Variants in TSHZ2 observed in about 807,000 individuals in gnomAD.
TSHZ2 encodes the protein teashirt zinc finger homeobox 2.
TSHZ2 carries 21 observed loss-of-function variants against 74.4 expected under a neutral mutation model. The ratio of observed to expected loss-of-function variants is 0.28; its 90% CI spans 0.20 to 0.41. The LOEUF (loss-of-function observed/expected upper bound fraction) is 0.41. Ranked by LOEUF, TSHZ2 falls within the 10% of genes least tolerant of loss-of-function variation. TSHZ2 has a pLI of 1.00. For missense variants in TSHZ2, 1,244 were observed against 1,293.5 expected, an observed-to-expected ratio of 0.96 and a Z score of 0.59; for synonymous variants, 540 against 515.3, an observed-to-expected ratio of 1.05 and a Z score of -0.65.
intron 2 of TSHZ2, among the ~76,000 whole-genome samples, chr20:53,261,895 T>C (rs1450738039): frequency 1.3e-5 from 2 of 152,230 alleles, no homozygotes; most frequent in Non-Finnish European, 2.9e-5. Context: ...TAAAAACGTC[T>C]TTGCGAAAGT....
chr20:53,090,262 G>A (rs1323523786), intron 1 of TSHZ2, among the ~76,000 whole-genome samples: 1 of 152,110 alleles, frequency 6.6e-6, no homozygotes, highest in Non-Finnish European at 1.5e-5. Context: ...GACTGAGGGT[G>A]GGTCTGCCTC....
intron 2 of TSHZ2, among the ~76,000 whole-genome samples, chr20:53,310,616 A>C (rs1278640963): frequency 6.6e-6 from 1 of 151,978 alleles, no homozygotes; most frequent in Non-Finnish European, 1.5e-5. Flanking sequence ...TCGATGGTAA[A>C]ATTCATTTCC....
At chr20:53,277,559 T>G (rs1990972647) in intron 2 of TSHZ2, among the ~76,000 whole-genome samples, 1 of 152,222 alleles carries the variant, frequency 6.6e-6, no homozygotes, top group Admixed American at 6.5e-5. Flanking sequence ...ATCAAAACTT[T>G]GTTTTTCTCC....
At chr20:53,220,107 T>C (rs899374494) in intron 1 of TSHZ2, among the ~76,000 whole-genome samples, 4 of 152,210 alleles carry the variant, frequency 2.6e-5, no homozygotes, top group Admixed American at 6.5e-5. Flanking sequence ...GATTTTTCCT[T>C]ACCATGACCC....
intron 1 of TSHZ2, among the ~76,000 whole-genome samples, chr20:53,001,201 TGTGC>T (rs1186446980): frequency 7.3e-6 from 1 of 137,322 alleles, no homozygotes; most frequent in East Asian, 2.2e-4. Flanking sequence ...TGTGCGTTCA[TGTGC>T]GTGTGTGTGT....
chr20:53,083,130 A>G (rs949219087), intron 1 of TSHZ2, among the ~76,000 whole-genome samples: 1 of 152,222 alleles, frequency 6.6e-6, no homozygotes, highest in Non-Finnish European at 1.5e-5. Context: ...CTAAGTCCAA[A>G]TTTTGATGTA....
In TSHZ2 at chr20:52,989,808, T is replaced by C. The variant is rs538866739; in HGVS notation, c.40+16475T>C. Among the ~76,000 whole-genome samples, 8 of 152,254 alleles carry C rather than the reference T, an allele frequency of 5.3e-5. No individual in the cohort carries two copies. The South Asian group carries it at 1.5e-3, about 28-fold the overall frequency. ...AGAAGCATTATTATTCTTTCGTATA[T>C]GTTTTTAAAAGATTGTGTAAATAGT... On this transcript the variant is annotated intron_variant, in intron 1 of 2. Transcript: ENST00000371497.
At chr20:53,445,246 T>C (rs1160183568) in intron 2 of TSHZ2, among the ~76,000 whole-genome samples, 3 of 152,196 alleles carry the variant, frequency 2.0e-5, no homozygotes, top group Admixed American at 6.5e-5. Flanking sequence ...ATGATTCATA[T>C]TGGGTGCTCT....
chr20:52,991,765 G>A (rs1982006084), intron 1 of TSHZ2, among the ~76,000 whole-genome samples: 1 of 148,292 alleles, frequency 6.7e-6, no homozygotes, highest in Admixed American at 6.6e-5. Context: ...GCATGATTTT[G>A]TGTGGATTAT....
intron 1 of TSHZ2, among the ~76,000 whole-genome samples, chr20:53,151,829 C>A (rs1427971456): frequency 2.6e-5 from 4 of 151,910 alleles, no homozygotes; most frequent in African/African-American, 9.7e-5. Context: ...ATATGGATAC[C>A]ATTGGTGATT....
rs1989833511 is a variant in TSHZ2 at position 53,231,965 on chromosome 20, G to A, written c.41-21534G>A. On this transcript the variant is annotated intron_variant, in intron 1 of 2. Coordinates refer to ENST00000371497, the MANE Select transcript of TSHZ2 (RefSeq NM_173485.6). ...AGTGGCACCATCATAGTTCATTGCA[G>A]CCTCAAACTCCTGGGCTCAAGCCAT... Among the ~76,000 whole-genome samples the A allele has an allele frequency of 2.0e-5, 3 of 152,114 alleles. No individual in the cohort carries two copies. In the South Asian group the frequency reaches 6.2e-4, roughly 32 times the overall value.
intron 1 of TSHZ2, among the ~76,000 whole-genome samples, chr20:53,109,115 C>T (rs914569564): frequency 6.6e-6 from 1 of 151,116 alleles, no homozygotes; most frequent in Admixed American, 6.6e-5. Flanking sequence ...TCTCAAATCT[C>T]TCTTTTCAAC....
At chr20:52,982,713 A>C (rs930424711) in intron 1 of TSHZ2, among the ~76,000 whole-genome samples, 21 of 152,202 alleles carry the variant, frequency 1.4e-4, no homozygotes, top group African/African-American at 5.1e-4. Flanking sequence ...AATAGTCCTA[A>C]TTGCATTTCA....
At chr20:53,274,942 C>T (rs1990913147) in intron 2 of TSHZ2, among the ~76,000 whole-genome samples, 1 of 152,148 alleles carries the variant, frequency 6.6e-6, no homozygotes, top group African/African-American at 2.4e-5. Flanking sequence ...CCCAAGAATT[C>T]CCATAAGCTC....
chr20:53,109,686 G>A (rs1362813412), intron 1 of TSHZ2, among the ~76,000 whole-genome samples: 3 of 152,196 alleles, frequency 2.0e-5, no homozygotes, highest in African/African-American at 7.2e-5. Context: ...ATCATTCTTT[G>A]GTTGTGGATG....
At chr20:53,202,923 A>C (rs1357728002) in intron 1 of TSHZ2, among the ~76,000 whole-genome samples, 1 of 151,922 alleles carries the variant, frequency 6.6e-6, no homozygotes, top group Non-Finnish European at 1.5e-5. Context: ...CCCTCTATTC[A>C]CTCTGCCTTT....
At chr20:53,483,192 T>C (rs1986203398) in intron 2 of TSHZ2, among the ~76,000 whole-genome samples, 1 of 136,904 alleles carries the variant, frequency 7.3e-6, no homozygotes, top group African/African-American at 2.8e-5. Flanking sequence ...CTCAGCACTT[T>C]GGGAGGCCAA....
chr20:53,191,750 A>T (rs1988742381), intron 1 of TSHZ2, among the ~76,000 whole-genome samples: 1 of 152,238 alleles, frequency 6.6e-6, no homozygotes. Context: ...CTGATTGAAT[A>T]TTAGGACCTG....
chr20:52,982,748 G>A (rs984832293), intron 1 of TSHZ2, among the ~76,000 whole-genome samples: 1 of 152,122 alleles, frequency 6.6e-6, no homozygotes, highest in Non-Finnish European at 1.5e-5. Flanking sequence ...GCTTCATGAG[G>A]TAGAGTATGA....
Sources: allele counts gnomAD v4.1 joint callset (sites outside exome capture counted in the v4.1 genomes callset), GRCh38; gene constraint gnomAD v4.1.1; transcripts MANE v1.5; gene names NCBI Gene and HGNC (gene_info 2026-07-23, HGNC 2026-07-21).